The following SPATA16 variants were observed in gnomAD, a reference collection of about 807,000 sequenced individuals.
SPATA16 encodes spermatogenesis associated 16.
In SPATA16, 36 loss-of-function variants were observed where a neutral mutation model predicts 63.3. The observed-to-expected ratio is 0.57, with a 90% CI of 0.44 to 0.75. The LOEUF is 0.75. SPATA16 is among the 30% of genes least tolerant of loss of function. SPATA16 has a pLI of 0.00. For missense variants in SPATA16, 646 were observed against 679.3 expected (o/e 0.95, Z 0.54); for synonymous variants, 203 against 216.7 (o/e 0.94, Z 0.56).
chr3:173,051,626 G>A lies in SPATA16; in HGVS notation c.613-2532C>T, dbSNP rs574508625. Reference sequence around the variant, plus strand: ...TGTTGGGATTACAGGCAGGAGCCACGGCGCTTGGCTCAGTTAATTTTATCT... The same window carrying A: ...TGTTGGGATTACAGGCAGGAGCCACAGCGCTTGGCTCAGTTAATTTTATCT... On this transcript the variant is annotated intron_variant, in intron 2 of 10. Transcript: ENST00000351008. Among the ~76,000 whole-genome samples, 64 of 151,994 alleles carry A rather than the reference G, an allele frequency of 4.2e-4. No individual in the cohort carries two copies. The South Asian group carries it at 5.2e-3, about 12-fold the overall frequency.
rs117673542 is a variant in SPATA16 at position 172,975,218 on chromosome 3, T to C, written c.933+1750A>G. 6.6e-4 allele frequency among the ~76,000 whole-genome samples: 101 copies of C among 152,270 alleles called. No individual in the cohort carries two copies. In the East Asian group the frequency reaches 0.013, roughly 20 times the overall value. On this transcript the variant is annotated intron_variant, in intron 5 of 10. Coordinates refer to ENST00000351008, the MANE Select transcript of SPATA16 (RefSeq NM_031955.6). ...ACATGTGAGCGTAAAAACAGAGTTA[T>C]CATGCTTGTGAACCACAACATGGTC...
chr3:173,077,005 A>C (rs1736823230), intron 2 of SPATA16, among the ~76,000 whole-genome samples: 1 of 152,254 alleles, frequency 6.6e-6, no homozygotes, highest in East Asian at 1.9e-4. Context: ...AATTGATCTA[A>C]CATCTCTACG....
intron 2 of SPATA16, among the ~76,000 whole-genome samples, chr3:173,111,485 G>A (rs1737748750): frequency 2.6e-5 from 4 of 152,160 alleles, no homozygotes; most frequent in Admixed American, 2.6e-4. Context: ...GGATTCATAT[G>A]CAAATCCACA....
chr3:173,027,067 T>G (rs186717881), intron 3 of SPATA16, among the ~76,000 whole-genome samples: 4 of 152,028 alleles, frequency 2.6e-5, no homozygotes, highest in African/African-American at 9.6e-5. Flanking sequence ...TCTCCATAAT[T>G]AAGGCTTTAT....
intron 5 of SPATA16, among the ~76,000 whole-genome samples, chr3:172,965,206 A>T (rs1733886883): frequency 6.6e-6 from 1 of 151,146 alleles, no homozygotes. Flanking sequence ...CAACATGGTG[A>T]ATTTCACACA....
At chr3:173,061,877 TACTATCAGAGTTTCAGGAG>T (rs1736388439) in intron 2 of SPATA16, among the ~76,000 whole-genome samples, 2 of 152,158 alleles carry the variant, frequency 1.3e-5, no homozygotes, top group African/African-American at 4.8e-5. Context: ...GACTTAAAAG[TACTATCAGAGTTTCAGGAG>T]CAATGCTTTT....
chr3:172,890,359 G>GA (rs11442047), intron 10 of SPATA16, among the ~76,000 whole-genome samples: 68,420 of 151,948 alleles, frequency 0.45, 17,960 homozygotes, highest in South Asian at 0.67. Flanking sequence ...CTGTTTGTCA[G>GA]AAAAAACTAT....
At chr3:172,984,563 C>T (rs766928283) in intron 4 of SPATA16, among the ~76,000 whole-genome samples, 3 of 152,152 alleles carry the variant, frequency 2.0e-5, no homozygotes, top group African/African-American at 4.8e-5. Flanking sequence ...TGTAACAAGC[C>T]TTCTTCTATG....
intron 2 of SPATA16, among the ~76,000 whole-genome samples, chr3:173,110,868 T>G (rs2108331710): frequency 6.6e-6 from 1 of 152,346 alleles, no homozygotes; most frequent in Middle Eastern, 3.4e-3. Context: ...CTACTAGTGG[T>G]TTGGTATAAA....
At chr3:173,072,130 G>A (rs1736689769) in intron 2 of SPATA16, among the ~76,000 whole-genome samples, 1 of 152,072 alleles carries the variant, frequency 6.6e-6, no homozygotes, top group African/African-American at 2.4e-5. Flanking sequence ...CCATCCCTGT[G>A]CTATTCACAG....
intron 2 of SPATA16, among the ~76,000 whole-genome samples, chr3:173,114,031 T>C (rs1324724498): frequency 2.6e-5 from 4 of 152,020 alleles, no homozygotes; most frequent in African/African-American, 7.2e-5. Flanking sequence ...AATACAAAAC[T>C]TAGCCAGGCG....
At position 172,925,282 on chromosome 3, in the gene SPATA16, T is replaced by G; in HGVS notation, c.1228+64A>C. The G allele has an allele frequency of 3.8e-6, 6 of 1,589,746 alleles. No individual in the cohort carries two copies. In the South Asian group the frequency reaches 6.7e-5, roughly 18 times the overall value. On this transcript the variant is annotated intron_variant, in intron 7 of 10. Transcript: ENST00000351008. ...AGGAGTTAATTTTAACTCAAACATT[T>G]TTTGGGGCCCAAAACTCATCACAGG...
intron 2 of SPATA16, among the ~76,000 whole-genome samples, chr3:173,056,402 G>T (rs916641987): frequency 3.3e-5 from 5 of 152,254 alleles, no homozygotes; most frequent in Non-Finnish European, 5.9e-5. Context: ...GAGAATGTAT[G>T]TTGCTGACAT....
chr3:172,916,231 A>AG, intron 9 of SPATA16, 86 bp downstream of exon 9: 1 of 1,101,270 alleles, frequency 9.1e-7, no homozygotes, highest in Non-Finnish European at 1.3e-6. Context: ...TTACCACAGG[A>AG]TTTTTTTTTT....
intron 2 of SPATA16, among the ~76,000 whole-genome samples, chr3:173,086,814 G>A (rs570353398): frequency 1.6e-4 from 24 of 152,224 alleles, no homozygotes; most frequent in African/African-American, 5.8e-4. Context: ...TCAGGAGCAG[G>A]TTGTTCAATT....
At chr3:173,126,144 ATAATT>A (rs1738222108) in intron 1 of SPATA16, among the ~76,000 whole-genome samples, 1 of 152,162 alleles carries the variant, frequency 6.6e-6, no homozygotes, top group Non-Finnish European at 1.5e-5. Flanking sequence ...TAGGGAGTAA[ATAATT>A]TATCTTATTC....
chr3:172,940,606 GA>G (rs1733121465), intron 6 of SPATA16, among the ~76,000 whole-genome samples: 1 of 152,168 alleles, frequency 6.6e-6, no homozygotes, highest in Admixed American at 6.5e-5. Context: ...TGGACACATA[GA>G]AGGGAAAAAC....
intron 10 of SPATA16, among the ~76,000 whole-genome samples, chr3:172,907,366 C>G (rs1376266401): frequency 1.3e-5 from 2 of 152,220 alleles, no homozygotes; most frequent in African/African-American, 4.8e-5. Flanking sequence ...CATTATTGCT[C>G]TCACTGCAAT....
chr3:173,098,149 A>C (rs529512593), intron 2 of SPATA16, among the ~76,000 whole-genome samples: 4 of 152,202 alleles, frequency 2.6e-5, no homozygotes, highest in Admixed American at 2.6e-4. Context: ...AGTGAAAAAA[A>C]AAAAACTTGG....
Sources: gnomAD v4.1 joint callset for allele counts (sites outside exome capture counted in the v4.1 genomes callset) on GRCh38, gnomAD v4.1.1 for gene constraint, MANE v1.5 for transcripts, NCBI Gene and HGNC (gene_info 2026-07-23, HGNC 2026-07-21) for gene names.